TACR3: variants seen among roughly 807,000 people sequenced by gnomAD.
TACR3 encodes the protein tachykinin receptor 3, also known as neuromedin-K receptor.
In TACR3, 34 loss-of-function variants were observed where a neutral mutation model predicts 35.0. The ratio of observed to expected loss-of-function variants is 0.97; its 90% CI spans 0.74 to 1.30. The LOEUF (loss-of-function observed/expected upper bound fraction) is 1.30, where lower values mean the gene tolerates loss of function less well. Among genes scored for constraint, TACR3 ranks in the 50% most tolerant of loss-of-function variants. The pLI, the probability that TACR3 is intolerant of heterozygous loss-of-function variation, is 0.00. For missense variants in TACR3, 558 were observed against 591.7 expected, an observed-to-expected ratio of 0.94 and a Z score of 0.59; for synonymous variants, 233 against 221.1, an observed-to-expected ratio of 1.05 and a Z score of -0.48.
chr4:103,622,645 C>A (rs1014224203), intron 3 of TACR3, among the ~76,000 whole-genome samples: 8 of 152,232 alleles, frequency 5.3e-5, no homozygotes, highest in Admixed American at 2.0e-4. Context: ...AGGAGAATGG[C>A]GTGAACCCGG....
intron 1 of TACR3, among the ~76,000 whole-genome samples, chr4:103,690,400 A>G (rs1722376129): frequency 6.6e-6 from 1 of 152,154 alleles, no homozygotes; most frequent in Non-Finnish European, 1.5e-5. Context: ...TAAGACAAAA[A>G]GTTACTAGAG....
intron 3 of TACR3, among the ~76,000 whole-genome samples, chr4:103,638,378 G>A (rs1725249559): frequency 6.6e-6 from 1 of 151,834 alleles, no homozygotes; most frequent in Non-Finnish European, 1.5e-5. Context: ...GGGAAAACTG[G>A]CTAGCCATAT....
intron 1 of TACR3, among the ~76,000 whole-genome samples, chr4:103,685,863 C>T (rs188990142): frequency 6.6e-6 from 1 of 152,164 alleles, no homozygotes; most frequent in Non-Finnish European, 1.5e-5. Flanking sequence ...TTCCCCAGGT[C>T]CACAGTGTGA....
chr4:103,703,634 T>G (rs1387092363), intron 1 of TACR3, among the ~76,000 whole-genome samples: 1 of 152,146 alleles, frequency 6.6e-6, no homozygotes, highest in Non-Finnish European at 1.5e-5. Flanking sequence ...TCTGCAGCAT[T>G]TATTTAATAT....
intron 3 of TACR3, among the ~76,000 whole-genome samples, chr4:103,604,804 C>A (rs1054776608): frequency 6.8e-6 from 1 of 147,798 alleles, no homozygotes; most frequent in Non-Finnish European, 1.5e-5. Flanking sequence ...CATCACTGGT[C>A]ATTAGAGAGA....
intron 1 of TACR3, among the ~76,000 whole-genome samples, chr4:103,662,104 A>T (rs940190386): frequency 6.6e-6 from 1 of 152,134 alleles, no homozygotes; most frequent in African/African-American, 2.4e-5. Context: ...CCCTAAGAAA[A>T]GTCATTCTAG....
At chr4:103,706,552 T>C (rs1320989153) in intron 1 of TACR3, among the ~76,000 whole-genome samples, 12 of 152,054 alleles carry the variant, frequency 7.9e-5, no homozygotes, top group Admixed American at 6.6e-4. Context: ...CAGATATATA[T>C]AGATATGTAT....
chr4:103,633,635 C>T (rs1384240335), intron 3 of TACR3, among the ~76,000 whole-genome samples: 2 of 152,064 alleles, frequency 1.3e-5, no homozygotes, highest in Non-Finnish European at 2.9e-5. Flanking sequence ...TAGCTTAGCT[C>T]CCACAATCAG....
intron 1 of TACR3, among the ~76,000 whole-genome samples, chr4:103,686,570 G>A (rs1722246539): frequency 6.6e-6 from 1 of 152,108 alleles, no homozygotes; most frequent in South Asian, 2.1e-4. Context: ...GGAAAAAATA[G>A]AATTCATAGT....
intron 1 of TACR3, among the ~76,000 whole-genome samples, chr4:103,685,280 C>A (rs1014585341): frequency 1.3e-5 from 2 of 151,948 alleles, no homozygotes; most frequent in Admixed American, 6.6e-5. Context: ...GTATTTTCAA[C>A]AAATATTTTA....
intron 1 of TACR3, among the ~76,000 whole-genome samples, chr4:103,675,816 CCTAT>C (rs545976337): frequency 1.7e-3 from 265 of 151,982 alleles, no homozygotes; most frequent in South Asian, 8.4e-3. Flanking sequence ...AGCAAGGGAC[CCTAT>C]TGGTGCAATC....
chr4:103,600,239 G>T (rs1013939184), intron 3 of TACR3, among the ~76,000 whole-genome samples: 1 of 152,164 alleles, frequency 6.6e-6, no homozygotes, highest in Non-Finnish European at 1.5e-5. Context: ...TAGTTTATTT[G>T]CATAGAGGTA....
chr4:103,625,453 T>TG (rs1724867929), intron 3 of TACR3, among the ~76,000 whole-genome samples: 1 of 151,642 alleles, frequency 6.6e-6, no homozygotes, highest in Admixed American at 6.6e-5. Context: ...CAAGGGAAAG[T>TG]GGAAAAAAAA....
At chr4:103,697,481 G>T (rs1473687129) in intron 1 of TACR3, among the ~76,000 whole-genome samples, 1 of 151,668 alleles carries the variant, frequency 6.6e-6, no homozygotes, top group Non-Finnish European at 1.5e-5. Flanking sequence ...CTAGAGTGCA[G>T]TGGCGCCATC....
intron 1 of TACR3, among the ~76,000 whole-genome samples, chr4:103,671,462 A>G (rs1420465391): frequency 1.3e-5 from 2 of 151,882 alleles, no homozygotes; most frequent in Admixed American, 6.6e-5. Flanking sequence ...GGCTCTATAC[A>G]TTACATAATA....
intron 1 of TACR3, among the ~76,000 whole-genome samples, chr4:103,687,688 A>C (rs1722282033): frequency 6.6e-6 from 1 of 152,180 alleles, no homozygotes; most frequent in African/African-American, 2.4e-5. Flanking sequence ...TCCACCTTAT[A>C]AGGGACGTGA....
intron 3 of TACR3, among the ~76,000 whole-genome samples, chr4:103,596,082 A>G (rs532647467): frequency 6.6e-6 from 1 of 150,468 alleles, no homozygotes; most frequent in South Asian, 2.1e-4. Context: ...ACATGAACTC[A>G]TCCTTTTTTA....
chr4:103,689,904 G>A (rs1722361324), intron 1 of TACR3, among the ~76,000 whole-genome samples: 1 of 152,060 alleles, frequency 6.6e-6, no homozygotes, highest in Admixed American at 6.6e-5. Flanking sequence ...TAAGTGCAGT[G>A]GTGAAAGTGA....
At chr4:103,647,102 GT>G (rs34900204) in intron 3 of TACR3, among the ~76,000 whole-genome samples, 1 of 151,772 alleles carries the variant, frequency 6.6e-6, no homozygotes, top group Non-Finnish European at 1.5e-5. Context: ...TTCTAGAATA[GT>G]TTTTTACAAC....
Sources: gnomAD v4.1 joint callset for allele counts (sites outside exome capture counted in the v4.1 genomes callset) on GRCh38, gnomAD v4.1.1 for gene constraint, MANE v1.5 for transcripts, NCBI Gene and HGNC (gene_info 2026-07-23, HGNC 2026-07-21) for gene names.